L1TD1: variants seen among roughly 807,000 people sequenced by gnomAD.
The protein encoded by L1TD1 is LINE-1 type transposase domain-containing protein 1.
In L1TD1, 26 loss-of-function variants were observed where a neutral mutation model predicts 25.7. That is an observed-to-expected ratio of 1.01 (90% confidence interval 0.74 to 1.40). The LOEUF (loss-of-function observed/expected upper bound fraction) is 1.40. Among genes scored for constraint, L1TD1 ranks in the 40% most tolerant of loss-of-function variants. L1TD1 has a pLI of 0.00. For synonymous variants in L1TD1, 421 were observed against 335.6 expected (o/e 1.25, Z -2.78); for missense variants, 1,130 against 975.0 (o/e 1.16, Z -2.12).
chr1:62,197,397 T>TTATATATA (rs10528649), intron 2 of L1TD1, among the ~76,000 whole-genome samples: 1,620 of 80,070 alleles, frequency 0.02, 35 homozygotes, highest in East Asian at 0.036. Context: ...AAAAAATAAA[T>TTATATATA]TATATATATA....
chr1:62,202,995 T>C (rs533461144), intron 2 of L1TD1, among the ~76,000 whole-genome samples: 1 of 152,044 alleles, frequency 6.6e-6, no homozygotes, highest in South Asian at 2.1e-4. Context: ...ATTTGTTTTT[T>C]AAAAAAACTG....
rs376705499 is a variant in L1TD1, at chr1:62,205,690, C to G, written c.-110-829C>G. Among the ~76,000 whole-genome samples, 438 of 151,784 alleles carry G rather than the reference C, an allele frequency of 2.9e-3. 3 individuals are homozygous for G. Among genetic ancestry groups the G allele is most frequent in the African/African-American group, 1.0e-2 (414 of 41,410 alleles). ...AAATGATCCACCCACCTCAGCCTCC[C>G]AAAGTGCTGGGATTACAGGCGTGAG... On this transcript the variant is annotated intron_variant, in intron 2 of 3. Coordinates refer to ENST00000498273, the MANE Select transcript of L1TD1 (RefSeq NM_019079.5).
intron 2 of L1TD1, among the ~76,000 whole-genome samples, chr1:62,205,431 A>AT (rs1311867098): frequency 5.5e-4 from 20 of 36,312 alleles, no homozygotes; most frequent in African/African-American, 1.8e-3. Flanking sequence ...ATATATATAT[A>AT]TATATATATA....
Position 62,211,538 on chromosome 1 carries a change from G to T in L1TD1, c.*166G>T. 2 of 1,186,166 alleles carry T rather than the reference G, an allele frequency of 1.7e-6. No homozygotes were observed. The highest frequency in any genetic ancestry group is 2.1e-5 in the South Asian group (1 of 46,576). The allele number at this position is 1,186,166 out of a possible 1,614,324, so 73.5% of individuals were successfully genotyped here. The stretch of plus-strand genomic sequence containing the variant: ...AGATATTACCTAGATGTTAATAAAG[G>T]GTATGTTTAAAAAAAATAGGCTGGT... On this transcript the variant is annotated 3_prime_UTR_variant, in exon 4 of 4. Transcript: ENST00000498273.
At chr1:62,209,420 T>C (rs1332588430) in intron 3 of L1TD1, among the ~76,000 whole-genome samples, 6 of 152,038 alleles carry the variant, frequency 3.9e-5, no homozygotes, top group Non-Finnish European at 8.8e-5. Flanking sequence ...ACAATGCCTA[T>C]TTACCATAGG....
At chr1:62,200,684 T>C (rs1338582154) in intron 2 of L1TD1, among the ~76,000 whole-genome samples, 1 of 152,150 alleles carries the variant, frequency 6.6e-6, no homozygotes, top group Non-Finnish European at 1.5e-5. Flanking sequence ...GGTGGTTTCA[T>C]TCCTAATGGT....
At chr1:62,202,028 A>G (rs1028098161) in intron 2 of L1TD1, among the ~76,000 whole-genome samples, 5 of 152,110 alleles carry the variant, frequency 3.3e-5, no homozygotes, top group Non-Finnish European at 7.3e-5. Context: ...AGGCTGGGTG[A>G]GGTGGCTCAC....
intron 2 of L1TD1, among the ~76,000 whole-genome samples, chr1:62,197,433 A>ATATATATATAT (rs1174042182): frequency 5.8e-5 from 8 of 138,356 alleles, no homozygotes; most frequent in Admixed American, 1.5e-4. Flanking sequence ...ATATATATAT[A>ATATATATATAT]GTTTAGTCCT....
At position 62,207,306 on chromosome 1, in the gene L1TD1, T is replaced by C. The variant is rs1670769201; in HGVS notation, c.678T>C (p.Val226=). ...AGAAATTGAAGAATAAAGAGGAGGT[T>C]TTAAAAGCCTCCAGAGAAGAAAAAG... is the stretch of plus-strand genomic sequence containing the variant. The part of the protein sequence containing the change: ...KFQKLKNKEE[V]LKASREEKVL... The change falls in exon 3 of 4, where the codon GTT becomes GTC. Residue 226 remains valine (V), a synonymous_variant. Transcript: ENST00000498273. The C allele has an allele frequency of 6.4e-7, 1 of 1,550,490 alleles. No individual in the cohort carries two copies. Among genetic ancestry groups the C allele is most frequent in the African/African-American group, 1.4e-5 (1 of 72,866 alleles).
intron 2 of L1TD1, among the ~76,000 whole-genome samples, chr1:62,197,397 T>TATATATATATATATA (rs1670562305): frequency 2.5e-5 from 2 of 80,844 alleles, no homozygotes; most frequent in South Asian, 5.8e-4. Context: ...AAAAAATAAA[T>TATATATATATATATA]TATATATATA....
chr1:62,200,704 A>T (rs1670625218), intron 2 of L1TD1, among the ~76,000 whole-genome samples: 1 of 152,018 alleles, frequency 6.6e-6, no homozygotes, highest in African/African-American at 2.4e-5. Context: ...TAGATTCTCA[A>T]GGGGAGAGTA....
At chr1:62,198,013 A>G (rs1390211388) in intron 2 of L1TD1, among the ~76,000 whole-genome samples, 1 of 152,216 alleles carries the variant, frequency 6.6e-6, no homozygotes. Context: ...GTGTGCATAT[A>G]TAACTGGAAG....
At position 62,207,192 on chromosome 1, in the gene L1TD1, C is replaced by A. The variant is rs138000139; in HGVS notation, c.564C>A (p.Arg188=). 667 of 1,552,218 alleles carry A rather than the reference C, an allele frequency of 4.3e-4. No individual in the cohort carries two copies. The highest frequency in any genetic ancestry group is 1.3e-3 in the Middle Eastern group (8 of 5,992). The stretch of plus-strand genomic sequence containing the variant: ...ATATAGATGACAGAGATGGAAATCG[C>A]AATGTCCATTTAGAATTTACAGAAA... ...LCNIDDRDGN[R]NVHLEFTERE... is the part of the protein sequence containing the mutation. Residue 188 remains arginine, a synonymous_variant, in exon 3 of 4, where the codon CGC becomes CGA. Transcript: ENST00000498273.
rs750122202 is a variant in L1TD1 at position 62,206,266 on chromosome 1, TCAGA to T, written c.-110-249_-110-246del. 7.2e-5 allele frequency among the ~76,000 whole-genome samples: 11 copies of T among 152,308 alleles called. No individual in the cohort carries two copies. The South Asian group carries it at 1.7e-3, about 23-fold the overall frequency. On this transcript the variant is annotated intron_variant, in intron 2 of 3. Transcript: ENST00000498273. Reference sequence around the variant, plus strand: ...ACAACAAAGTTAATAGTATGGCAAATCAGACAGCTTCATTCTTAGTTATCTGCTC... The same window carrying T: ...ACAACAAAGTTAATAGTATGGCAAATCAGCTTCATTCTTAGTTATCTGCTC...
intron 2 of L1TD1, among the ~76,000 whole-genome samples, chr1:62,202,487 T>C (rs1213894931): frequency 3.3e-5 from 5 of 151,778 alleles, no homozygotes; most frequent in Admixed American, 3.3e-4. Flanking sequence ...TTGTGATAAA[T>C]GAGTGCCGTG....
In L1TD1 at chr1:62,210,638, A is replaced by AT. The variant is rs769158189; in HGVS notation, c.1866dup (p.Asn623Ter). The AT allele has an allele frequency of 1.5e-5, 24 of 1,582,878 alleles. No individual in the cohort carries two copies. The highest frequency in any genetic ancestry group is 8.6e-7 in the Non-Finnish European group (1 of 1,163,862). ...AGAAGAAAACTTGAGAAGTAGTGTG[A>AT]TTAATAGCATCAGAGAGATAAAAGA... On this transcript the variant is annotated frameshift_variant, in exon 4 of 4. Transcript: ENST00000498273. LOFTEE classifies it low-confidence loss of function (END_TRUNC).
At chr1:62,208,986 G>C (rs1162018790) in intron 3 of L1TD1, among the ~76,000 whole-genome samples, 1 of 152,158 alleles carries the variant, frequency 6.6e-6, no homozygotes, top group African/African-American at 2.4e-5. Flanking sequence ...CACCTAACCT[G>C]TCTGGTGGGT....
intron 3 of L1TD1, chr1:62,208,502 TAA>T (rs1019694431): frequency 8.1e-5 from 12 of 147,470 alleles, no homozygotes; most frequent in African/African-American, 2.5e-4. Flanking sequence ...TTTTTTGAGA[TAA>T]AGTCTTGCTC....
At position 62,206,692 on chromosome 1, in the gene L1TD1, A is replaced by G. The variant is rs781058015; in HGVS notation, c.64A>G (p.Ile22Val). The G allele has an allele frequency of 5.8e-6, 9 of 1,548,974 alleles. No individual in the cohort carries two copies. The highest frequency in any genetic ancestry group is 7.0e-6 in the Non-Finnish European group (8 of 1,146,322). Residue 22 changes from isoleucine (I) to valine (V), a missense_variant, in exon 3 of 4, where the codon ATC (isoleucine) becomes GTC (valine). Ile to Val is a conservative substitution (Grantham distance 29). Transcript: ENST00000498273. ...TAGACTTGCAAAGAAAAAGGAAAAT[A>G]TCACCTATATGAAAAGAGAGCAGTT... ...FARLAKKKEN[I>V]TYMKREQLTE...
Sources: allele counts gnomAD v4.1 joint callset (sites outside exome capture counted in the v4.1 genomes callset), GRCh38; gene constraint gnomAD v4.1.1; transcripts MANE v1.5; gene names NCBI Gene and HGNC (gene_info 2026-07-23, HGNC 2026-07-21).